USP4: variants seen among roughly 807,000 people sequenced by gnomAD.
USP4 encodes ubiquitin carboxyl-terminal hydrolase 4.
USP4 carries 72 observed loss-of-function variants against 118.2 expected under a neutral mutation model. The observed-to-expected ratio is 0.61, with a 90% CI of 0.50 to 0.74. USP4 has a LOEUF of 0.74. Ranked by LOEUF, USP4 falls within the 30% of genes least tolerant of loss-of-function variation. The pLI, the probability that USP4 is intolerant of heterozygous loss-of-function variation, is 0.00. For synonymous variants in USP4, 415 were observed against 440.4 expected, an observed-to-expected ratio of 0.94 and a Z score of 0.72; for missense variants, 1,037 against 1,185.7, an observed-to-expected ratio of 0.87 and a Z score of 1.84.
chr3:49,317,426 T>G, intron 6 of USP4: 1 of 954,110 alleles, frequency 1.0e-6, no homozygotes, highest in Non-Finnish European at 1.7e-6. Flanking sequence ...ACCAGCTTGT[T>G]GTCGTAGTTC....
At chr3:49,291,032 G>A (rs1019263046) in intron 15 of USP4, among the ~76,000 whole-genome samples, 1 of 151,818 alleles carries the variant, frequency 6.6e-6, no homozygotes, top group African/African-American at 2.4e-5. Flanking sequence ...GCAGTGGCGT[G>A]ATCTTGGCTC....
intron 19 of USP4, among the ~76,000 whole-genome samples, chr3:49,283,094 C>A (rs1329981419): frequency 2.1e-5 from 3 of 142,510 alleles, no homozygotes; most frequent in Non-Finnish European, 4.5e-5. Context: ...TGGCTCACTG[C>A]AACTTTTGCC....
intron 14 of USP4, 103 bp from the exon 15 acceptor site, chr3:49,292,701 G>A (rs904450561): frequency 2.7e-6 from 2 of 734,042 alleles, no homozygotes; most frequent in Admixed American, 6.2e-5. Context: ...TTATATGGAT[G>A]ATAGCTACTG....
intron 1 of USP4, among the ~76,000 whole-genome samples, chr3:49,339,028 TC>T (rs1300731669): frequency 6.6e-6 from 1 of 152,012 alleles, no homozygotes; most frequent in Non-Finnish European, 1.5e-5. Context: ...GAGCCTGTAA[TC>T]CCAGCTACTC....
At chr3:49,283,228 A>T (rs62259895) in intron 19 of USP4, among the ~76,000 whole-genome samples, 1 of 150,786 alleles carries the variant, frequency 6.6e-6, no homozygotes, top group Admixed American at 6.6e-5. Context: ...GTTGGCCAGG[A>T]TGGTCTCGAT....
At chr3:49,317,052 G>T in intron 6 of USP4, 1 of 1,033,890 alleles carries the variant, frequency 9.7e-7, no homozygotes, top group Non-Finnish European at 1.5e-6. Context: ...GTTGAGGGGC[G>T]CACAGAGGCA....
At chr3:49,293,269 C>A (rs2047169324) in intron 14 of USP4, among the ~76,000 whole-genome samples, 1 of 151,744 alleles carries the variant, frequency 6.6e-6, no homozygotes, top group South Asian at 2.1e-4. Flanking sequence ...TCCTAGCACT[C>A]TGGGAGGCTG....
At chr3:49,281,803 G>A (rs1253483310) in intron 19 of USP4, among the ~76,000 whole-genome samples, 2 of 150,982 alleles carry the variant, frequency 1.3e-5, no homozygotes, top group African/African-American at 2.4e-5. Context: ...ATGAGGTCAG[G>A]AGTTTGAGAC....
In USP4 at chr3:49,318,334, C is replaced by T; in HGVS notation, c.695+6368G>A. On this transcript the variant is annotated intron_variant, in intron 6 of 21. Coordinates refer to ENST00000265560, the MANE Select transcript of USP4 (RefSeq NM_003363.4). ...CAAAAGTCAAGCTGTGACTCCACAC[C>T]AACACTGTGAACACCATCTGTAGGC... The T allele has an allele frequency of 3.0e-6, 3 of 985,518 alleles. No homozygotes were observed. The South Asian group carries it at 1.4e-4, about 46-fold the overall frequency. The allele number at this position is 985,518 out of a possible 1,614,324, so 61.0% of individuals were successfully genotyped here.
intron 9 of USP4, among the ~76,000 whole-genome samples, chr3:49,303,799 C>G (rs2047284574): frequency 1.3e-5 from 2 of 152,126 alleles, no homozygotes; most frequent in South Asian, 4.1e-4. Flanking sequence ...TGTTGCCAGG[C>G]TGGAGTGCAG....
Position 49,318,137 on chromosome 3 carries a change from A to C in USP4, c.696-6483T>G, listed in dbSNP as rs180704457. 2.7e-3 allele frequency among the ~76,000 whole-genome samples: 417 copies of C among 152,058 alleles called. 3 individuals are homozygous for C. The highest frequency in any genetic ancestry group is 9.3e-3 in the African/African-American group (387 of 41,488). On this transcript the variant is annotated intron_variant, in intron 6 of 21. Coordinates refer to ENST00000265560, the MANE Select transcript of USP4 (RefSeq NM_003363.4). ...AGGCATGAGCCACCGTGCCTGACCTAATTTTATTTTTTTAAGAGACAGGGT... is the reference window on the plus strand; with the variant it reads ...AGGCATGAGCCACCGTGCCTGACCTCATTTTATTTTTTTAAGAGACAGGGT...
intron 2 of USP4, 123 bp downstream of exon 2, chr3:49,335,346 A>G: frequency 7.4e-7 from 1 of 1,347,398 alleles, no homozygotes; most frequent in Non-Finnish European, 1.0e-6. Context: ...TAGATGCAAA[A>G]TGAGGATACT....
intron 6 of USP4, chr3:49,317,354 C>CCTCCTG (rs745806107): frequency 2.0e-4 from 236 of 1,202,360 alleles, no homozygotes; most frequent in Non-Finnish European, 2.4e-4. Flanking sequence ...TTCTTGTCCT[C>CCTCCTG]CTCCTGCTGG....
rs1254695082 is a variant in USP4, at chr3:49,310,511, A to G, written c.954+109T>C. On this transcript the variant is annotated intron_variant, in intron 8 of 21. Transcript: ENST00000265560. ...TAGCAGAGACTACTGAAGCACCAAC[A>G]AGGGGTAGGCAGGGACTCCTGGGAG... The G allele has an allele frequency of 3.3e-6, 3 of 905,830 alleles. No individual in the cohort carries two copies. The South Asian group carries it at 4.2e-5, about 13-fold the overall frequency. 56.1% of individuals were successfully genotyped at this position (905,830 alleles called of 1,614,324 possible). A position where few individuals can be genotyped will look rare whatever the true frequency, so the allele number is the denominator to read the frequency against.
chr3:49,328,506 C>A (rs1280638380), intron 2 of USP4, among the ~76,000 whole-genome samples: 1 of 152,068 alleles, frequency 6.6e-6, no homozygotes, highest in Non-Finnish European at 1.5e-5. Context: ...CTCAAGAAAC[C>A]ATTTTCTTTG....
At position 49,277,293 on chromosome 3, in the gene USP4, C is replaced by T. The variant is rs991117076; in HGVS notation, c.*1000G>A. 1.8e-4 allele frequency: 220 copies of T among 1,240,560 alleles called. 2 individuals are homozygous for T. In the South Asian group the frequency reaches 2.7e-3, roughly 15 times the overall value. The allele number at this position is 1,240,560 out of a possible 1,614,324, so 76.8% of individuals were successfully genotyped here. A position where few individuals can be genotyped will look rare whatever the true frequency, so the allele number is the denominator to read the frequency against. On this transcript the variant is annotated 3_prime_UTR_variant, in exon 22 of 22. Coordinates refer to ENST00000265560, the MANE Select transcript of USP4 (RefSeq NM_003363.4). ...TGAAGGTCAGACAAAAAATCCCGGA[C>T]CCATACGTCCGGTTCCTTAAGGCCT...
intron 13 of USP4, among the ~76,000 whole-genome samples, chr3:49,295,714 GCA>G (rs1553624012): frequency 6.7e-6 from 1 of 148,320 alleles, no homozygotes. Flanking sequence ...GCGCGCGCGC[GCA>G]CACACACACA....
chr3:49,320,056 G>A (rs970769194), intron 6 of USP4, among the ~76,000 whole-genome samples: 2 of 151,932 alleles, frequency 1.3e-5, no homozygotes, highest in Admixed American at 6.6e-5. Flanking sequence ...AGCTGGAACT[G>A]CAGGCACAAG....
chr3:49,278,695 C>T (rs1008479691), intron 21 of USP4, 119 bp downstream of exon 21: 1 of 909,746 alleles, frequency 1.1e-6, no homozygotes, highest in Non-Finnish European at 1.7e-6. Context: ...CCAGCTCTGT[C>T]ACACCTAGCT....
Sources: allele counts gnomAD v4.1 joint callset (sites outside exome capture counted in the v4.1 genomes callset), GRCh38; gene constraint gnomAD v4.1.1; transcripts MANE v1.5; gene names NCBI Gene and HGNC (gene_info 2026-07-23, HGNC 2026-07-21).